Variants in SOS1 observed in about 807,000 individuals in gnomAD.
SOS1 encodes the protein son of sevenless homolog 1.
SOS1 carries 25 observed loss-of-function variants against 157.6 expected under a neutral mutation model. The observed-to-expected ratio is 0.16, with a 90% CI of 0.12 to 0.22. The LOEUF (loss-of-function observed/expected upper bound fraction) is 0.22. Among genes scored for constraint, SOS1 ranks in the 10% least tolerant of loss-of-function variants. The pLI is 1.00. For missense variants in SOS1, 1,237 were observed against 1,599.1 expected (o/e 0.77, Z 3.86); for synonymous variants, 528 against 534.0 (o/e 0.99, Z 0.16).
intron 8 of SOS1, among the ~76,000 whole-genome samples, chr2:39,024,409 T>G (rs1669891945): frequency 1.3e-5 from 2 of 151,980 alleles, no homozygotes; most frequent in Non-Finnish European, 1.5e-5. Context: ...TGCATACCAC[T>G]GAAAAGAAAT....
intron 9 of SOS1, chr2:39,023,736 A>C: frequency 2.7e-6 from 1 of 375,448 alleles, no homozygotes; most frequent in Non-Finnish European, 4.8e-6. Context: ...TGCCAACATA[A>C]ATCTACCCGA....
chr2:39,007,969 T>C (rs1281478210), intron 15 of SOS1, among the ~76,000 whole-genome samples: 1 of 152,148 alleles, frequency 6.6e-6, no homozygotes, highest in Non-Finnish European at 1.5e-5. Context: ...GAACCAAGAC[T>C]GGTCCCTCCC....
chr2:39,046,493 G>GTTTTTTTTTT, intron 6 of SOS1, among the ~76,000 whole-genome samples: 1 of 121,604 alleles, frequency 8.2e-6, no homozygotes, highest in African/African-American at 3.3e-5. Context: ...TTGAGACAGT[G>GTTTTTTTTTT]TCTTTTTTTT....
At chr2:39,012,987 C>T (rs1287924958) in intron 13 of SOS1, among the ~76,000 whole-genome samples, 1 of 152,102 alleles carries the variant, frequency 6.6e-6, no homozygotes, top group Non-Finnish European at 1.5e-5. Flanking sequence ...AAACCTAGCT[C>T]CTTATGTTAT....
At chr2:39,086,053 G>A (rs1335702701) in intron 1 of SOS1, among the ~76,000 whole-genome samples, 1 of 152,018 alleles carries the variant, frequency 6.6e-6, no homozygotes, top group Non-Finnish European at 1.5e-5. Flanking sequence ...ACTCCTTCTG[G>A]TAATATTACA....
At position 38,982,751 on chromosome 2, in the gene SOS1, C is replaced by G. The variant is rs916063257; in HGVS notation, c.*3073G>C. On this transcript the variant is annotated 3_prime_UTR_variant, in exon 23 of 23. Coordinates refer to ENST00000402219, the MANE Select transcript of SOS1 (RefSeq NM_005633.4). ...ATATTAGAAGACAAACAATGAAATA[C>G]AAGATTAAGCTAAACTTGAGAATTA... 6.6e-6 allele frequency: 1 copy of G among 152,050 alleles called. No individual in the cohort carries two copies. Among genetic ancestry groups the G allele is most frequent in the Non-Finnish European group, 1.5e-5 (1 of 67,992 alleles). 9.4% of individuals were successfully genotyped at this position (152,050 alleles called of 1,614,324 possible).
intron 1 of SOS1, among the ~76,000 whole-genome samples, chr2:39,091,575 C>T (rs1159855188): frequency 6.7e-6 from 1 of 149,508 alleles, no homozygotes; most frequent in Non-Finnish European, 1.5e-5. Context: ...CTCCTATTGG[C>T]ATATAAAAGA....
chr2:39,101,932 G>A (rs1349425035), intron 1 of SOS1, among the ~76,000 whole-genome samples: 4 of 151,902 alleles, frequency 2.6e-5, no homozygotes, highest in South Asian at 2.1e-4. Context: ...TTTAGGCCAG[G>A]CTCAGTGGCT....
chr2:39,008,784 G>A (rs1558467032), intron 15 of SOS1, among the ~76,000 whole-genome samples: 2 of 152,150 alleles, frequency 1.3e-5, no homozygotes, highest in Non-Finnish European at 2.9e-5. Context: ...GTCAGGTAAG[G>A]AGTGGATGAG....
At chr2:38,994,535 C>T (rs1009737737) in intron 20 of SOS1, among the ~76,000 whole-genome samples, 3 of 152,160 alleles carry the variant, frequency 2.0e-5, no homozygotes, top group Non-Finnish European at 4.4e-5. Flanking sequence ...TATTCAAATA[C>T]ATGTTAAGTA....
rs567688568 is a variant in SOS1 at position 39,005,521 on chromosome 2, A to G, written c.2791+891T>C. Among the ~76,000 whole-genome samples the G allele has an allele frequency of 3.9e-5, 6 of 151,972 alleles. 1 individual carries two copies. The highest frequency in any genetic ancestry group is 4.4e-5 in the Non-Finnish European group (3 of 67,988). On this transcript the variant is annotated intron_variant, in intron 17 of 22. Coordinates refer to ENST00000402219, the MANE Select transcript of SOS1 (RefSeq NM_005633.4). ...ATAAAATACAAAAATATAAGATATGATAAGTGAATAACCTTAATATGCACA... is the reference window on the plus strand; with the variant it reads ...ATAAAATACAAAAATATAAGATATGGTAAGTGAATAACCTTAATATGCACA...
intron 1 of SOS1, among the ~76,000 whole-genome samples, chr2:39,084,202 T>C (rs1233094670): frequency 6.6e-6 from 1 of 152,170 alleles, no homozygotes. Flanking sequence ...GTACTTATTA[T>C]GGCACCCCTA....
chr2:39,052,272 A>C (rs718312), intron 5 of SOS1, among the ~76,000 whole-genome samples: 12,298 of 151,442 alleles, frequency 0.081, 1,782 homozygotes, highest in African/African-American at 0.29. Context: ...ATTGGTTACT[A>C]TTATTTGATT....
At chr2:38,989,942 TATTA>T (rs1335767457) in intron 20 of SOS1, among the ~76,000 whole-genome samples, 1 of 152,014 alleles carries the variant, frequency 6.6e-6, no homozygotes, top group Non-Finnish European at 1.5e-5. Context: ...ATTTCAACAA[TATTA>T]ATTATTTTAA....
At chr2:39,077,233 C>T (rs914540453) in intron 1 of SOS1, among the ~76,000 whole-genome samples, 1 of 151,338 alleles carries the variant, frequency 6.6e-6, no homozygotes, top group Non-Finnish European at 1.5e-5. Context: ...ATCTTAGCTA[C>T]TTGGGAGGCT....
intron 3 of SOS1, among the ~76,000 whole-genome samples, chr2:39,057,845 GTTTAAC>G (rs1204991111): frequency 2.0e-5 from 3 of 151,768 alleles, no homozygotes; most frequent in Non-Finnish European, 2.9e-5. Context: ...TCATTCAAGT[GTTTAAC>G]TTTAAATTTT....
intron 2 of SOS1, 21 bp downstream of exon 2, chr2:39,067,607 A>G (rs1248966762): frequency 6.2e-7 from 1 of 1,608,874 alleles, no homozygotes; most frequent in Non-Finnish European, 8.5e-7. Flanking sequence ...TAAAGTAAAT[A>G]CAAGACAACA....
intron 15 of SOS1, 82 bp downstream of exon 15, chr2:39,010,501 CA>C (rs572677322): frequency 2.0e-5 from 27 of 1,339,600 alleles, no homozygotes; most frequent in East Asian, 4.7e-5. Flanking sequence ...AACTCCGTCT[CA>C]AAAAAAACAA....
At chr2:39,083,736 T>C (rs1165364663) in intron 1 of SOS1, among the ~76,000 whole-genome samples, 1 of 152,214 alleles carries the variant, frequency 6.6e-6, no homozygotes, top group Non-Finnish European at 1.5e-5. Context: ...GAATTTATCC[T>C]GTAAAAATAA....
Sources: gnomAD v4.1 joint callset for allele counts (sites outside exome capture counted in the v4.1 genomes callset) on GRCh38, gnomAD v4.1.1 for gene constraint, MANE v1.5 for transcripts, NCBI Gene and HGNC (gene_info 2026-07-23, HGNC 2026-07-21) for gene names.